The following PKHD1L1 variants were observed in gnomAD, a reference collection of about 807,000 sequenced individuals.
PKHD1L1 encodes PKHD1 like 1, also known as fibrocystin-L.
In PKHD1L1, 434 loss-of-function variants were observed where a neutral mutation model predicts 462.9. The observed-to-expected ratio is 0.94, with a 90% CI of 0.87 to 1.02. The LOEUF (loss-of-function observed/expected upper bound fraction) is 1.02. Among genes scored for constraint, PKHD1L1 ranks in the 50% least tolerant of loss-of-function variants. PKHD1L1 has a pLI of 0.00. For missense variants in PKHD1L1, 5,202 were observed against 5,096.1 expected (o/e 1.02, Z -0.63); for synonymous variants, 1,781 against 1,750.0 (o/e 1.02, Z -0.44).
At chr8:109,385,714 A>G (rs1812407564) in intron 6 of PKHD1L1, 84 bp downstream of exon 6, 1 of 854,358 alleles carries the variant, frequency 1.2e-6, no homozygotes, top group South Asian at 2.2e-5. Context: ...ATGATATTAA[A>G]TCCCATTACA....
Position 109,456,290 on chromosome 8 carries a change from C to A in PKHD1L1, c.6903C>A (p.Arg2301=), listed in dbSNP as rs138613409. Residue 2301 remains arginine (R), a synonymous_variant, in exon 46 of 78, where the codon CGC becomes CGA. Coordinates refer to ENST00000378402, the MANE Select transcript of PKHD1L1 (RefSeq NM_177531.6). ...TGCCTGTTCCTGTGACCTGGACTCG[C>A]TTGGCTCATACTGCAAAGGCAGGGG... ...HGVPVPVTWT[R]LAHTAKAGER... 250 of 1,612,866 alleles carry A rather than the reference C, an allele frequency of 1.6e-4. No individual in the cohort carries two copies. The African/African-American group carries it at 3.0e-3, about 19-fold the overall frequency.
chr8:109,508,053 G>C, intron 69 of PKHD1L1, 44 bp from the exon 70 acceptor site: 2 of 1,538,706 alleles, frequency 1.3e-6, no homozygotes, highest in Non-Finnish European at 1.8e-6. Flanking sequence ...TTTTTGCAAA[G>C]AGATTCTGTA....
intron 23 of PKHD1L1, among the ~76,000 whole-genome samples, chr8:109,422,619 T>C (rs902343899): frequency 2.6e-5 from 4 of 152,218 alleles, no homozygotes; most frequent in African/African-American, 2.4e-5. Context: ...TACTCACCCG[T>C]TGAAGGACAT....
chr8:109,417,589 G>T (rs1206067610), intron 21 of PKHD1L1, among the ~76,000 whole-genome samples: 1 of 152,102 alleles, frequency 6.6e-6, no homozygotes, highest in East Asian at 1.9e-4. Context: ...TGTTGCCAAG[G>T]TTGGAGTGCA....
At chr8:109,376,209 C>T (rs893357226) in intron 2 of PKHD1L1, among the ~76,000 whole-genome samples, 1 of 152,210 alleles carries the variant, frequency 6.6e-6, no homozygotes, top group Non-Finnish European at 1.5e-5. Flanking sequence ...GGTGGGTGCC[C>T]CTCCCCCAGC....
intron 76 of PKHD1L1, among the ~76,000 whole-genome samples, chr8:109,524,913 C>T (rs1255941513): frequency 6.6e-6 from 1 of 150,548 alleles, no homozygotes; most frequent in Non-Finnish European, 1.5e-5. Flanking sequence ...CTCCCCTCTT[C>T]CTCTCTCTCT....
In PKHD1L1 at chr8:109,452,812, C is replaced by T; in HGVS notation, c.6602C>T (p.Thr2201Ile). 6.5e-7 allele frequency: 1 copy of T among 1,535,962 alleles called. No homozygotes were observed. The highest frequency in any genetic ancestry group is 8.7e-7 in the Non-Finnish European group (1 of 1,143,880). The change falls in exon 43 of 78, where the codon ACA (threonine) becomes ATA (isoleucine). Residue 2201 changes from threonine (T) to isoleucine (I), a missense_variant. Thr to Ile is a moderately conservative substitution (Grantham distance 89). Around this residue, in one of 3 missense-constraint regions of PKHD1L1, gnomAD observed 4,497 missense variants for 4,336.8 expected, o/e 1.04. Coordinates refer to ENST00000378402, the MANE Select transcript of PKHD1L1 (RefSeq NM_177531.6). ...GAAGAAGGATCTCTTGTTGTTATTA[C>T]AAAAGGACAGACCATTCTGCTGGAT... ...PPEEGSLVVI[T>I]KGQTILLDQS...
intron 14 of PKHD1L1, among the ~76,000 whole-genome samples, chr8:109,402,347 G>A (rs965930): frequency 3.9e-5 from 6 of 151,958 alleles, no homozygotes; most frequent in East Asian, 1.9e-4. Context: ...TTGGCTGAGC[G>A]GTTCTTTTAG....
chr8:109,377,815 G>A (rs1323708644), intron 2 of PKHD1L1, among the ~76,000 whole-genome samples: 1 of 151,966 alleles, frequency 6.6e-6, no homozygotes, highest in South Asian at 2.1e-4. Context: ...TTATTCATAG[G>A]TTTTATTTCT....
At chr8:109,395,940 C>T (rs1361629533) in intron 10 of PKHD1L1, 87 bp from the exon 11 acceptor site, 19 of 840,114 alleles carry the variant, frequency 2.3e-5, no homozygotes, top group Admixed American at 1.0e-4. Flanking sequence ...GGCACTATGG[C>T]TAGGTAATTT....
chr8:109,372,288 A>T (rs570225256), intron 2 of PKHD1L1, among the ~76,000 whole-genome samples: 37 of 152,108 alleles, frequency 2.4e-4, no homozygotes, highest in Non-Finnish European at 4.9e-4. Flanking sequence ...AGTTCACTCA[A>T]GATTTGGCTC....
intron 54 of PKHD1L1, among the ~76,000 whole-genome samples, 167 bp from the exon 55 acceptor site, chr8:109,479,824 C>A (rs1044143640): frequency 1.5e-4 from 23 of 151,938 alleles, no homozygotes; most frequent in Non-Finnish European, 2.6e-4. Context: ...TAAACCTGAC[C>A]ATTAATTAAC....
chr8:109,477,588 A>T (rs1818057816), intron 53 of PKHD1L1, among the ~76,000 whole-genome samples, 192 bp downstream of exon 53: 1 of 152,214 alleles, frequency 6.6e-6, no homozygotes. Context: ...TCTTAAAAAA[A>T]TTATGTGTGA....
chr8:109,438,280 A>G (rs1452118295), intron 30 of PKHD1L1, 44 bp from the exon 31 acceptor site: 7 of 1,340,874 alleles, frequency 5.2e-6, no homozygotes, highest in South Asian at 1.5e-5. Context: ...GCATTTCTGT[A>G]TCTCAACAAT....
In PKHD1L1 at chr8:109,536,081, A is replaced by G. The variant is rs1014734602; in HGVS notation, c.*5991A>G. On this transcript the variant is annotated 3_prime_UTR_variant, in exon 78 of 78. Coordinates refer to ENST00000378402, the MANE Select transcript of PKHD1L1 (RefSeq NM_177531.6). ...TAATATATTGCTAGTAGACATGTCT[A>G]CTTCTGGTTGCTGATGACATAAAAT... Among the ~76,000 whole-genome samples the G allele has an allele frequency of 6.6e-6, 1 of 152,106 alleles. No homozygotes were observed. Among genetic ancestry groups the G allele is most frequent in the African/African-American group, 2.4e-5 (1 of 41,412 alleles).
intron 46 of PKHD1L1, among the ~76,000 whole-genome samples, chr8:109,459,218 T>C (rs946021906): frequency 6.6e-6 from 1 of 152,048 alleles, no homozygotes; most frequent in African/African-American, 2.4e-5. Flanking sequence ...CAGCCCCCAA[T>C]TGTAACAACC....
Position 109,518,479 on chromosome 8 carries a change from C to G in PKHD1L1, c.12002C>G (p.Pro4001Arg). 1 of 1,603,520 alleles carries G rather than the reference C, an allele frequency of 6.2e-7. No homozygotes were observed. The highest frequency in any genetic ancestry group is 1.1e-5 in the South Asian group (1 of 90,888). The change falls in exon 73 of 78, where the codon CCT (proline) becomes CGT (arginine). Residue 4001 changes from proline (P) to arginine (R), a missense_variant. Transcript: ENST00000378402. ...FIIEIEIGDP[P>R]IQFISNGTTG... ...ATTGAAATAGAGATTGGAGACCCTC[C>G]TATTCAGTTCATAAGCAATGGCACC...
At chr8:109,512,973 T>A (rs1261847136) in intron 71 of PKHD1L1, among the ~76,000 whole-genome samples, 1 of 152,130 alleles carries the variant, frequency 6.6e-6, no homozygotes, top group Non-Finnish European at 1.5e-5. Context: ...GAATGGGAGT[T>A]CACTCATGAT....
chr8:109,429,345 T>C lies in PKHD1L1; in HGVS notation c.3006T>C (p.Asn1002=). Residue 1002 remains asparagine (N), a synonymous_variant, in exon 26 of 78, where the codon AAT becomes AAC. Transcript: ENST00000378402. ...ATAATTGTGTGTAAAAATAGATTAATGATTCCAACATTATTGGAGAAAAGG... is the reference window on the plus strand; with the variant it reads ...ATAATTGTGTGTAAAAATAGATTAACGATTCCAACATTATTGGAGAAAAGG... ...TCGKQNLLQI[N]DSNIIGEKAN... is the part of the protein sequence containing the mutation. 4.6e-6 allele frequency: 7 copies of C among 1,510,590 alleles called. No homozygotes were observed. Among genetic ancestry groups the C allele is most frequent in the African/African-American group, 1.4e-5 (1 of 72,428 alleles). The allele number at this position is 1,510,590 out of a possible 1,614,324, so 93.6% of individuals were successfully genotyped here. A position where few individuals can be genotyped will look rare whatever the true frequency, so the allele number is the denominator to read the frequency against.
Sources: gnomAD v4.1 joint callset for allele counts (sites outside exome capture counted in the v4.1 genomes callset) on GRCh38, gnomAD v4.1.1 for gene constraint, gnomAD v4.1.1 regional missense constraint, MANE v1.5 for transcripts, NCBI Gene and HGNC (gene_info 2026-07-23, HGNC 2026-07-21) for gene names.